The following CHIC2 variants were observed in gnomAD, a reference collection of about 807,000 sequenced individuals.
CHIC2 encodes cysteine rich hydrophobic domain 2, also known as cysteine-rich hydrophobic domain-containing protein 2.
CHIC2 carries 14 observed loss-of-function variants against 25.9 expected under a neutral mutation model. The observed-to-expected ratio is 0.54, with a 90% CI of 0.36 to 0.85. CHIC2 has a LOEUF of 0.85. Among genes scored for constraint, CHIC2 ranks in the 40% least tolerant of loss-of-function variants. The pLI is 0.01. For synonymous variants in CHIC2, 70 were observed against 72.0 expected (o/e 0.97, Z 0.14); for missense variants, 146 against 202.0 (o/e 0.72, Z 1.68).
At chr4:54,031,507 C>CA (rs1716227280) in intron 3 of CHIC2, among the ~76,000 whole-genome samples, 1 of 150,522 alleles carries the variant, frequency 6.6e-6, no homozygotes, top group African/African-American at 2.4e-5. Context: ...GTTAAGAAGA[C>CA]AAACACTGAG....
chr4:54,074,157 C>CA, the CHIC2 span, among the ~76,000 whole-genome samples: 97 of 141,108 alleles, frequency 6.9e-4, no homozygotes, highest in East Asian at 7.7e-3. Flanking sequence ...GATTCCATCT[C>CA]AAAAAAAAAA....
At chr4:54,071,512 C>T in the CHIC2 span, among the ~76,000 whole-genome samples, 1 of 152,236 alleles carries the variant, frequency 6.6e-6, no homozygotes, top group African/African-American at 2.4e-5. Flanking sequence ...GGCCACACAA[C>T]TAGGAAGTGG....
At chr4:54,041,845 C>CGTGTGT (rs1267883734) in intron 3 of CHIC2, among the ~76,000 whole-genome samples, 2 of 151,946 alleles carry the variant, frequency 1.3e-5, no homozygotes, top group African/African-American at 4.8e-5. Context: ...GAACATCACA[C>CGTGTGT]ACTGGGACCT....
intron 1 of CHIC2, among the ~76,000 whole-genome samples, chr4:54,061,373 G>C (rs1397137621): frequency 6.6e-6 from 1 of 152,128 alleles, no homozygotes; most frequent in Non-Finnish European, 1.5e-5. Flanking sequence ...ATAGTCAATT[G>C]TAAAGGGCTA....
the CHIC2 span, among the ~76,000 whole-genome samples, chr4:54,089,614 C>T: frequency 3.3e-5 from 5 of 152,122 alleles, no homozygotes; most frequent in African/African-American, 9.7e-5. Context: ...GGTTAAATTA[C>T]AGCATTCATT....
the CHIC2 span, among the ~76,000 whole-genome samples, chr4:54,088,626 T>C: frequency 6.6e-6 from 1 of 152,062 alleles, no homozygotes; most frequent in Admixed American, 6.5e-5. Flanking sequence ...GAGACAGCCA[T>C]GGTGGCATCA....
At chr4:54,078,541 AGTCT>A in the CHIC2 span, among the ~76,000 whole-genome samples, 69 of 152,060 alleles carry the variant, frequency 4.5e-4, no homozygotes, top group African/African-American at 1.6e-3. Context: ...TTTGAGACAG[AGTCT>A]GTCTCTGTCC....
chr4:54,051,937 G>A (rs1251574081), intron 1 of CHIC2, among the ~76,000 whole-genome samples: 1 of 152,046 alleles, frequency 6.6e-6, no homozygotes, highest in African/African-American at 2.4e-5. Flanking sequence ...CACAATCCAG[G>A]CTTTCCTACA....
At chr4:54,073,120 A>G in the CHIC2 span, among the ~76,000 whole-genome samples, 1 of 152,038 alleles carries the variant, frequency 6.6e-6, no homozygotes, top group Non-Finnish European at 1.5e-5. Context: ...TGAGCTAAAC[A>G]TGCCCATTTA....
intron 3 of CHIC2, among the ~76,000 whole-genome samples, chr4:54,034,089 G>A (rs893225581): frequency 3.9e-5 from 6 of 152,028 alleles, no homozygotes; most frequent in African/African-American, 1.4e-4. Context: ...CTATGGATCA[G>A]TTTGGAGAAA....
chr4:54,025,967 C>G (rs1716046012), intron 3 of CHIC2, among the ~76,000 whole-genome samples: 1 of 151,944 alleles, frequency 6.6e-6, no homozygotes, highest in South Asian at 2.1e-4. Flanking sequence ...GATAAGGAAC[C>G]AGCATTTGTG....
chr4:54,042,697 T>C (rs1716616542), intron 3 of CHIC2, among the ~76,000 whole-genome samples: 1 of 151,024 alleles, frequency 6.6e-6, no homozygotes, highest in South Asian at 2.1e-4. Context: ...AGCGACAAAA[T>C]CAACTGTGGA....
the CHIC2 span, among the ~76,000 whole-genome samples, chr4:54,074,597 A>AAC: frequency 0.21 from 29,032 of 139,534 alleles, 2,800 homozygotes; most frequent in East Asian, 0.29. Flanking sequence ...ACAACACACA[A>AAC]ACACACACAC....
chr4:54,035,931 T>C (rs180971381), intron 3 of CHIC2, among the ~76,000 whole-genome samples: 1 of 152,224 alleles, frequency 6.6e-6, no homozygotes, highest in East Asian at 1.9e-4. Context: ...TGCTTTTAAA[T>C]TTCCCTTTTG....
chr4:54,035,024 T>C lies in CHIC2; in HGVS notation c.330+13931A>G, dbSNP rs1158057604. ...TTTTCTTTTTAGTTTAGAAATATGT[T>C]GAGTTACATTCATTGCATTTTTGGA... On this transcript the variant is annotated intron_variant, in intron 3 of 5. Coordinates refer to ENST00000263921, the MANE Select transcript of CHIC2 (RefSeq NM_012110.4). Among the ~76,000 whole-genome samples the C allele has an allele frequency of 2.0e-5, 3 of 152,344 alleles. No homozygotes were observed. In the East Asian group the frequency reaches 5.8e-4, roughly 29 times the overall value.
At chr4:54,033,618 T>C (rs928800183) in intron 3 of CHIC2, among the ~76,000 whole-genome samples, 1 of 152,130 alleles carries the variant, frequency 6.6e-6, no homozygotes, top group African/African-American at 2.4e-5. Context: ...CACAAGGATT[T>C]TTCTCCTATG....
intron 1 of CHIC2, among the ~76,000 whole-genome samples, chr4:54,052,185 G>C (rs548292066): frequency 6.6e-6 from 1 of 152,144 alleles, no homozygotes; most frequent in Non-Finnish European, 1.5e-5. Flanking sequence ...ATTTTAGCAA[G>C]ACGGTCTTAT....
the CHIC2 span, among the ~76,000 whole-genome samples, chr4:54,086,538 C>T: frequency 1.3e-5 from 2 of 152,064 alleles, no homozygotes; most frequent in Admixed American, 1.3e-4. Flanking sequence ...CAGGGAGATT[C>T]AGACGATAAA....
At chr4:54,065,063 G>T (rs1201779673), upstream of CHIC2, among the ~76,000 whole-genome samples, 1 of 152,224 alleles carries the variant, frequency 6.6e-6, no homozygotes, top group Non-Finnish European at 1.5e-5. Flanking sequence ...TTTTCCTCAG[G>T]TTTTGAGTCT....
Sources: gnomAD v4.1 joint callset for allele counts (sites outside exome capture counted in the v4.1 genomes callset) on GRCh38, gnomAD v4.1.1 for gene constraint, MANE v1.5 for transcripts, NCBI Gene and HGNC (gene_info 2026-07-23, HGNC 2026-07-21) for gene names.